LHFPL6: variants seen among roughly 807,000 people sequenced by gnomAD.
LHFPL6 encodes the protein LHFPL tetraspan subfamily member 6 protein.
A neutral mutation model predicts 20.6 loss-of-function variants in LHFPL6; 9 were observed. That is an observed-to-expected ratio of 0.44 (90% CI 0.26 to 0.76). LHFPL6 has a LOEUF of 0.76. Among genes scored for constraint, LHFPL6 ranks in the 30% least tolerant of loss-of-function variants. The pLI is 0.20. For synonymous variants in LHFPL6, 105 were observed against 98.7 expected, an observed-to-expected ratio of 1.06 and a Z score of -0.38; for missense variants, 218 against 253.5, an observed-to-expected ratio of 0.86 and a Z score of 0.95.
chr13:39,598,365 C>G (rs1445962881), intron 2 of LHFPL6, among the ~76,000 whole-genome samples: 1 of 150,824 alleles, frequency 6.6e-6, no homozygotes, highest in African/African-American at 2.4e-5. Context: ...TTCCATATTT[C>G]AAGTTATTTT....
intron 2 of LHFPL6, among the ~76,000 whole-genome samples, chr13:39,462,382 TA>T (rs199692351): frequency 4.0e-5 from 6 of 151,586 alleles, no homozygotes; most frequent in African/African-American, 1.2e-4. Flanking sequence ...TGGTTGCTTT[TA>T]AAAAAAAATG....
chr13:39,471,831 A>G (rs1449743943), intron 2 of LHFPL6, among the ~76,000 whole-genome samples: 1 of 152,248 alleles, frequency 6.6e-6, no homozygotes, highest in African/African-American at 2.4e-5. Context: ...TGTAAACATG[A>G]TAATCATTCC....
At chr13:39,562,232 T>C (rs1484755984) in intron 2 of LHFPL6, among the ~76,000 whole-genome samples, 1 of 151,746 alleles carries the variant, frequency 6.6e-6, no homozygotes, top group East Asian at 1.9e-4. Flanking sequence ...GTACTAAACA[T>C]GGAGAGGAAA....
At chr13:39,559,545 G>A (rs527374679) in intron 2 of LHFPL6, among the ~76,000 whole-genome samples, 2 of 152,262 alleles carry the variant, frequency 1.3e-5, no homozygotes, top group South Asian at 4.1e-4. Flanking sequence ...TTTCTACCAA[G>A]GATAACATAG....
chr13:39,501,232 A>G (rs73175169), intron 2 of LHFPL6, among the ~76,000 whole-genome samples: 16,858 of 152,188 alleles, frequency 0.11, 1,816 homozygotes, highest in East Asian at 0.61. Context: ...AGGCCTTTTG[A>G]TTCCCAGTCC....
At chr13:39,527,827 T>A (rs762803951) in intron 2 of LHFPL6, among the ~76,000 whole-genome samples, 3 of 152,228 alleles carry the variant, frequency 2.0e-5, no homozygotes, top group Non-Finnish European at 4.4e-5. Flanking sequence ...CTTTTCTGCA[T>A]ATGCCAGGGA....
chr13:39,511,242 T>C (rs914473665), intron 2 of LHFPL6, among the ~76,000 whole-genome samples: 1 of 152,228 alleles, frequency 6.6e-6, no homozygotes, highest in African/African-American at 2.4e-5. Context: ...TAATGGCTAC[T>C]TCTGTATCCA....
chr13:39,543,284 C>G (rs1309258199), intron 2 of LHFPL6, among the ~76,000 whole-genome samples: 1 of 152,196 alleles, frequency 6.6e-6, no homozygotes, highest in Non-Finnish European at 1.5e-5. Flanking sequence ...AATTTACTGT[C>G]TAGCAAAGGA....
At chr13:39,361,537 C>T (rs1167272743) in intron 3 of LHFPL6, among the ~76,000 whole-genome samples, 4 of 152,060 alleles carry the variant, frequency 2.6e-5, no homozygotes, top group Admixed American at 6.6e-5. Context: ...AGGATGGTCT[C>T]GATCTCTTGA....
intron 2 of LHFPL6, among the ~76,000 whole-genome samples, chr13:39,513,833 C>T (rs901334802): frequency 6.6e-6 from 1 of 152,140 alleles, no homozygotes; most frequent in Non-Finnish European, 1.5e-5. Flanking sequence ...CACATAATGT[C>T]TTTCTATTTA....
chr13:39,580,146 G>A (rs1042715294), intron 2 of LHFPL6, among the ~76,000 whole-genome samples: 5 of 151,984 alleles, frequency 3.3e-5, no homozygotes, highest in Non-Finnish European at 7.4e-5. Flanking sequence ...TTTATGAACA[G>A]GTAGTAATCA....
At chr13:39,557,059 A>G (rs1380075343) in intron 2 of LHFPL6, among the ~76,000 whole-genome samples, 1 of 152,198 alleles carries the variant, frequency 6.6e-6, no homozygotes, top group Non-Finnish European at 1.5e-5. Flanking sequence ...CACACTAAGG[A>G]GCAACCACCT....
chr13:39,449,749 A>C (rs1162335497), intron 2 of LHFPL6, among the ~76,000 whole-genome samples: 1 of 152,064 alleles, frequency 6.6e-6, no homozygotes, highest in Non-Finnish European at 1.5e-5. Context: ...TATTAACCTA[A>C]AGATTTAAAG....
At chr13:39,471,083 A>C (rs1382784926) in intron 2 of LHFPL6, among the ~76,000 whole-genome samples, 1 of 152,226 alleles carries the variant, frequency 6.6e-6, no homozygotes, top group East Asian at 1.9e-4. Context: ...GAGACAGCCA[A>C]GAAAATCAAC....
At chr13:39,363,905 T>C (rs538508315) in intron 3 of LHFPL6, among the ~76,000 whole-genome samples, 3 of 152,342 alleles carry the variant, frequency 2.0e-5, no homozygotes, top group African/African-American at 4.8e-5. Context: ...CATTGGGACA[T>C]ATATTGCTTA....
At chr13:39,376,250 G>A (rs912110332) in intron 3 of LHFPL6, among the ~76,000 whole-genome samples, 2 of 152,074 alleles carry the variant, frequency 1.3e-5, no homozygotes, top group African/African-American at 4.8e-5. Context: ...TCAAACACCA[G>A]GGAAAGAAAA....
chr13:39,405,015 A>T (rs1438015484), intron 2 of LHFPL6, among the ~76,000 whole-genome samples: 2 of 152,244 alleles, frequency 1.3e-5, no homozygotes, highest in Non-Finnish European at 2.9e-5. Flanking sequence ...AGTGACAGAG[A>T]AAAAACTTGT....
At chr13:39,422,078 G>T (rs1270232796) in intron 2 of LHFPL6, among the ~76,000 whole-genome samples, 1 of 152,080 alleles carries the variant, frequency 6.6e-6, no homozygotes, top group Admixed American at 6.6e-5. Flanking sequence ...GCCCTTTTTA[G>T]CAGATTTTGT....
In LHFPL6 at chr13:39,439,144, CA is replaced by C. The variant is rs376158472; in HGVS notation, c.386-60619del. Among the ~76,000 whole-genome samples the C allele has an allele frequency of 3.0e-3, 459 of 152,340 alleles. 8 individuals are homozygous for C. In the South Asian group the frequency reaches 0.037, roughly 12 times the overall value. ...AAGGGGGCTGAACCCTGCAAAGCCTCAGGGGTGGAATGGCCCAAGGCTTTGG... is the reference window on the plus strand; with the variant it reads ...AAGGGGGCTGAACCCTGCAAAGCCTCGGGGTGGAATGGCCCAAGGCTTTGG... On this transcript the variant is annotated intron_variant, in intron 2 of 3. Coordinates refer to ENST00000379589, the MANE Select transcript of LHFPL6 (RefSeq NM_005780.3).
Sources: gnomAD v4.1 joint callset for allele counts (sites outside exome capture counted in the v4.1 genomes callset) on GRCh38, gnomAD v4.1.1 for gene constraint, MANE v1.5 for transcripts, NCBI Gene and HGNC (gene_info 2026-07-23, HGNC 2026-07-21) for gene names.